The following SMAD9 variants were observed in gnomAD, a reference collection of about 807,000 sequenced individuals.
SMAD9 encodes the protein SMAD family member 9.
SMAD9 carries 36 observed loss-of-function variants against 46.1 expected under a neutral mutation model. The observed-to-expected ratio is 0.78, with a 90% confidence interval of 0.60 to 1.03. The LOEUF (loss-of-function observed/expected upper bound fraction) is 1.03, where lower values mean the gene tolerates loss of function less well. Among genes scored for constraint, SMAD9 ranks in the 50% least tolerant of loss-of-function variants. The probability of loss-of-function intolerance (pLI) is 0.00; values close to 1 mark genes in which losing one functional copy is unlikely to be tolerated. For missense variants in SMAD9, 572 were observed against 599.8 expected, an observed-to-expected ratio of 0.95 and a Z score of 0.48; for synonymous variants, 245 against 237.1, an observed-to-expected ratio of 1.03 and a Z score of -0.31.
chr13:36,860,795 TATC>T (rs1476842811), intron 5 of SMAD9, among the ~76,000 whole-genome samples: 9 of 152,004 alleles, frequency 5.9e-5, no homozygotes, highest in Non-Finnish European at 1.3e-4. Flanking sequence ...TGGGGGTAGC[TATC>T]ATCATCATCA....
chr13:36,874,905 G>A (rs901704910), intron 2 of SMAD9, among the ~76,000 whole-genome samples: 1 of 146,556 alleles, frequency 6.8e-6, no homozygotes, highest in South Asian at 2.2e-4. Context: ...GTATATGTAT[G>A]TATGTATGTA....
chr13:36,899,317 A>G (rs183742615), intron 1 of SMAD9, among the ~76,000 whole-genome samples: 14 of 152,050 alleles, frequency 9.2e-5, no homozygotes, highest in African/African-American at 3.1e-4. Flanking sequence ...TGCAAAATCA[A>G]TAATGTTAGG....
chr13:36,915,818 A>C (rs2058694506), intron 1 of SMAD9, among the ~76,000 whole-genome samples: 1 of 152,228 alleles, frequency 6.6e-6, no homozygotes, highest in Non-Finnish European at 1.5e-5. Flanking sequence ...TTCTGAATTT[A>C]AATTTTATAT....
chr13:36,888,444 C>G (rs1429539905), intron 1 of SMAD9, among the ~76,000 whole-genome samples: 1 of 152,164 alleles, frequency 6.6e-6, no homozygotes, highest in African/African-American at 2.4e-5. Context: ...AATTAAACCT[C>G]TTTTGTTTAT....
At chr13:36,915,392 G>A (rs1288667712) in intron 1 of SMAD9, among the ~76,000 whole-genome samples, 1 of 152,122 alleles carries the variant, frequency 6.6e-6, no homozygotes, top group African/African-American at 2.4e-5. Context: ...GGACTGAGGA[G>A]TACATGTTTT....
intron 1 of SMAD9, among the ~76,000 whole-genome samples, chr13:36,890,363 C>T (rs1329008059): frequency 1.3e-5 from 2 of 152,222 alleles, no homozygotes; most frequent in African/African-American, 2.4e-5. Context: ...GTTTTGAGGA[C>T]GCTTTATAAC....
intron 1 of SMAD9, among the ~76,000 whole-genome samples, chr13:36,881,137 T>C (rs1003233778): frequency 1.3e-5 from 2 of 152,216 alleles, no homozygotes; most frequent in Non-Finnish European, 2.9e-5. Flanking sequence ...CAGGAGATGT[T>C]CTTTCCCAGT....
At chr13:36,861,605 T>C (rs1196755267) in intron 5 of SMAD9, among the ~76,000 whole-genome samples, 1 of 148,842 alleles carries the variant, frequency 6.7e-6, no homozygotes, top group Non-Finnish European at 1.5e-5. Flanking sequence ...CATGAGCCAC[T>C]GCGTCTGGTC....
chr13:36,852,503 A>T (rs1180643153), intron 6 of SMAD9: 2 of 984,852 alleles, frequency 2.0e-6, no homozygotes, highest in African/African-American at 3.5e-5. Flanking sequence ...TTGGTTCTCC[A>T]GCCTTCATAG....
At chr13:36,878,798 T>C (rs1335510858) in intron 2 of SMAD9, among the ~76,000 whole-genome samples, 1 of 151,800 alleles carries the variant, frequency 6.6e-6, no homozygotes, top group Non-Finnish European at 1.5e-5. Context: ...TTTTAAAACC[T>C]TTCAGGACCC....
intron 5 of SMAD9, among the ~76,000 whole-genome samples, chr13:36,859,212 C>T (rs1264239421): frequency 6.6e-6 from 1 of 152,138 alleles, no homozygotes; most frequent in South Asian, 2.1e-4. Context: ...AGAAGCCTTA[C>T]ATGTGTTCAG....
intron 1 of SMAD9, among the ~76,000 whole-genome samples, chr13:36,887,046 T>G (rs911768723): frequency 4.8e-5 from 6 of 125,348 alleles, no homozygotes; most frequent in African/African-American, 2.1e-4. Flanking sequence ...ATGGGTTTTT[T>G]TTTTTTTTTT....
chr13:36,879,947 A>ACCACC, intron 1 of SMAD9, 72 bp from the exon 2 acceptor site: 1 of 478,200 alleles, frequency 2.1e-6, no homozygotes, highest in Non-Finnish European at 3.8e-6. Flanking sequence ...TTGGATAGAA[A>ACCACC]GAGGCAATCT....
At position 36,847,688 on chromosome 13, in the gene SMAD9, G is replaced by C. The variant is rs930533711; in HGVS notation, c.*988C>G. Reference sequence around the variant, plus strand: ...ATTTGCCAAGAGGCAGGAAAACGTGGCGAAAGAGTGCCCTTCCCAGGAGAC... The same window carrying C: ...ATTTGCCAAGAGGCAGGAAAACGTGCCGAAAGAGTGCCCTTCCCAGGAGAC... On this transcript the variant is annotated 3_prime_UTR_variant, in exon 7 of 7. Transcript: ENST00000379826. The C allele has an allele frequency of 2.0e-5, 3 of 152,240 alleles. No individual in the cohort carries two copies. Among genetic ancestry groups the C allele is most frequent in the Non-Finnish European group, 2.9e-5 (2 of 68,048 alleles). 9.4% of individuals were successfully genotyped at this position (152,240 alleles called of 1,614,324 possible). A position where few individuals can be genotyped will look rare whatever the true frequency, so the allele number is the denominator to read the frequency against.
In SMAD9 at chr13:36,872,798, T is replaced by C; in HGVS notation, c.530A>G (p.Tyr177Cys). The change falls in exon 3 of 7, where the codon TAT (tyrosine) becomes TGT (cysteine). Residue 177 changes from tyrosine to cysteine, a missense_variant. Transcript: ENST00000379826. ...SEPLMPHNAT[Y>C]PDSFQQPPCS... ...CGGAGGCTGCTGGAAAGAGTCAGGA[T>C]AGGTGGCGTTGTGTGGCATGAGTGG... 1 of 1,613,758 alleles carries C rather than the reference T, an allele frequency of 6.2e-7. No individual in the cohort carries two copies. Among genetic ancestry groups the C allele is most frequent in the Non-Finnish European group, 8.5e-7 (1 of 1,179,928 alleles).
chr13:36,869,609 G>A (rs1483086929), intron 3 of SMAD9, among the ~76,000 whole-genome samples: 1 of 151,616 alleles, frequency 6.6e-6, no homozygotes, highest in Non-Finnish European at 1.5e-5. Flanking sequence ...GAGGCGGGTG[G>A]ATCACCTGAG....
intron 6 of SMAD9, chr13:36,852,237 G>T: frequency 2.2e-6 from 2 of 903,268 alleles, no homozygotes; most frequent in Non-Finnish European, 2.6e-6. Flanking sequence ...AAAATTATTT[G>T]TCATGGTAAT....
rs796528170 is a variant in SMAD9, at chr13:36,845,780, A to ACTT, written c.*2893_*2895dup. Reference sequence around the variant, plus strand: ...TTGTGTTACAATGACTAAAGGGTTAACTTCTCATTAATTCTAAATTCTTCA... The same window carrying ACTT: ...TTGTGTTACAATGACTAAAGGGTTAACTTCTTCTCATTAATTCTAAATTCTTCA... On this transcript the variant is annotated 3_prime_UTR_variant, in exon 7 of 7. Coordinates refer to ENST00000379826, the MANE Select transcript of SMAD9 (RefSeq NM_001127217.3). 5.9e-5 allele frequency: 9 copies of ACTT among 152,320 alleles called. No individual in the cohort carries two copies. The highest frequency in any genetic ancestry group is 1.9e-4 in the African/African-American group (8 of 41,572). 9.4% of individuals were successfully genotyped at this position (152,320 alleles called of 1,614,324 possible).
chr13:36,874,726 G>A (rs1216994519), intron 2 of SMAD9, among the ~76,000 whole-genome samples: 5 of 151,406 alleles, frequency 3.3e-5, no homozygotes, highest in African/African-American at 4.9e-5. Context: ...GCGTGGTTGC[G>A]GGTGCCTGTA....
Sources: allele counts gnomAD v4.1 joint callset (sites outside exome capture counted in the v4.1 genomes callset), GRCh38; gene constraint gnomAD v4.1.1; transcripts MANE v1.5; gene names NCBI Gene and HGNC (gene_info 2026-07-23, HGNC 2026-07-21).